Variants in TMEM184B observed in about 807,000 individuals in gnomAD.
The protein encoded by TMEM184B is transmembrane protein 184B.
Under a neutral mutation model 41.8 loss-of-function variants are expected in TMEM184B, and 17 were observed. The observed-to-expected ratio is 0.41, with a 90% CI of 0.28 to 0.61. TMEM184B has a LOEUF of 0.61. Ranked by LOEUF, TMEM184B falls within the 20% of genes least tolerant of loss-of-function variation. TMEM184B has a pLI of 0.34. For synonymous variants in TMEM184B, 240 were observed against 229.5 expected, an observed-to-expected ratio of 1.05 and a Z score of -0.41; for missense variants, 393 against 557.8, an observed-to-expected ratio of 0.70 and a Z score of 2.98.
At position 38,225,212 on chromosome 22, in the gene TMEM184B, C is replaced by A. The variant is rs892400597; in HGVS notation, c.787+212G>T. Among the ~76,000 whole-genome samples the A allele has an allele frequency of 2.6e-5, 4 of 152,142 alleles. No individual in the cohort carries two copies. The highest frequency in any genetic ancestry group is 5.9e-5 in the Non-Finnish European group (4 of 68,024). ...AGCAATTACGCAGGGTCTCCTGGGCCCTCTCATCCATGTAGCGGCCCCACC... is the reference window on the plus strand; with the variant it reads ...AGCAATTACGCAGGGTCTCCTGGGCACTCTCATCCATGTAGCGGCCCCACC... On this transcript the variant is annotated intron_variant, in intron 7 of 8. Transcript: ENST00000361906. The surrounding 1 kb of genome is among the most constrained non-coding windows in gnomAD (Gnocchi z 4.4).
intron 3 of TMEM184B, among the ~76,000 whole-genome samples, chr22:38,240,499 G>A (rs944011029): frequency 8.6e-5 from 13 of 152,014 alleles, no homozygotes; most frequent in African/African-American, 2.9e-4. Flanking sequence ...CCAGAAGCGC[G>A]AGGTCCTACT....
At chr22:38,224,358 C>T (rs1248701396) in intron 8 of TMEM184B, among the ~76,000 whole-genome samples, 1 of 152,238 alleles carries the variant, frequency 6.6e-6, no homozygotes, top group Non-Finnish European at 1.5e-5. Context: ...TTGTGATCCA[C>T]CCGCCTCGGC....
chr22:38,220,578 A>G lies in TMEM184B; in HGVS notation c.*891T>C, dbSNP rs2091230718. 27 of 985,852 alleles carry G rather than the reference A, an allele frequency of 2.7e-5. No homozygotes were observed. Among genetic ancestry groups the G allele is most frequent in the Non-Finnish European group, 3.1e-5 (26 of 830,010 alleles). The allele number at this position is 985,852 out of a possible 1,614,324, so 61.1% of individuals were successfully genotyped here. A position where few individuals can be genotyped will look rare whatever the true frequency, so the allele number is the denominator to read the frequency against. On this transcript the variant is annotated 3_prime_UTR_variant, in exon 9 of 9. Coordinates refer to ENST00000361906, the MANE Select transcript of TMEM184B (RefSeq NM_012264.5). ...CGTGGAGACTCAGACCTTTCCCCTG[A>G]AACGGGAGGGAGAAGCCCCAAAGAG...
chr22:38,226,857 A>T lies in TMEM184B; in HGVS notation c.539T>A (p.Phe180Tyr). Reference protein sequence around the residue: ...LRFCKQATLQFCVVKPLMAVS... With the variant: ...LRFCKQATLQYCVVKPLMAVS... ...CGCCATGAGTGGCTTCACCACACAG[A>T]ACTGCAGGGTGGCCTGTTGGGGGGA... is the stretch of plus-strand genomic sequence containing the variant. Residue 180 changes from phenylalanine (F) to tyrosine (Y), a missense_variant, in exon 6 of 9, where the codon TTC (phenylalanine) becomes TAC (tyrosine). Transcript: ENST00000361906. This position sits in a 1 kb window ranked among gnomAD's most constrained non-coding sequence, Gnocchi z 4.6. 2 of 1,596,170 alleles carry T rather than the reference A, an allele frequency of 1.3e-6. No individual in the cohort carries two copies. The highest frequency in any genetic ancestry group is 2.7e-5 in the African/African-American group (2 of 74,804).
rs1307409103 is a variant in TMEM184B at position 38,219,519 on chromosome 22, A to G, written c.*1950T>C. On this transcript the variant is annotated 3_prime_UTR_variant, in exon 9 of 9. Coordinates refer to ENST00000361906, the MANE Select transcript of TMEM184B (RefSeq NM_012264.5). The stretch of plus-strand genomic sequence containing the variant: ...ATGTACAAAGAGCTACTCTACCTGG[A>G]AAGAAAATTAAAAAAAAAAAAGACA... 2.6e-5 allele frequency: 26 copies of G among 985,344 alleles called. No individual in the cohort carries two copies. Among genetic ancestry groups the G allele is most frequent in the Non-Finnish European group, 3.0e-5 (25 of 829,854 alleles). 61.0% of individuals were successfully genotyped at this position (985,344 alleles called of 1,614,324 possible).
intron 1 of TMEM184B, among the ~76,000 whole-genome samples, chr22:38,253,369 A>G (rs772851508): frequency 6.6e-6 from 1 of 152,176 alleles, no homozygotes; most frequent in Non-Finnish European, 1.5e-5. Flanking sequence ...TAGGAGTTCG[A>G]GACCAGCCAG....
downstream of TMEM184B, among the ~76,000 whole-genome samples, chr22:38,219,047 G>A (rs967764948): frequency 6.6e-6 from 1 of 152,248 alleles, no homozygotes; most frequent in Non-Finnish European, 1.5e-5. Context: ...AACAGGGAAG[G>A]AGCATCGACC....
intron 1 of TMEM184B, 114 bp from the exon 2 acceptor site, chr22:38,248,133 A>G: frequency 7.4e-7 from 1 of 1,351,844 alleles, no homozygotes; most frequent in South Asian, 1.6e-5. Context: ...GACCCCAACC[A>G]TCACCCTGTC....
chr22:38,252,907 C>A (rs1484050818), intron 1 of TMEM184B, among the ~76,000 whole-genome samples: 1 of 152,220 alleles, frequency 6.6e-6, no homozygotes, highest in Non-Finnish European at 1.5e-5. Flanking sequence ...CTTTGGGAGG[C>A]CGAGCTGGGT....
At chr22:38,267,829 A>G (rs1249564931) in intron 1 of TMEM184B, among the ~76,000 whole-genome samples, 1 of 152,142 alleles carries the variant, frequency 6.6e-6, no homozygotes, top group East Asian at 1.9e-4. Context: ...AAACCACTTC[A>G]CTACCTACTG....
intron 1 of TMEM184B, among the ~76,000 whole-genome samples, chr22:38,261,917 G>A (rs2092373894): frequency 6.6e-6 from 1 of 152,264 alleles, no homozygotes; most frequent in South Asian, 2.1e-4. Flanking sequence ...CACATTCTGA[G>A]TCAGGTAAGC....
intron 8 of TMEM184B, 38 bp downstream of exon 8, chr22:38,224,747 T>TTC: frequency 6.5e-7 from 1 of 1,531,926 alleles, no homozygotes; most frequent in Non-Finnish European, 8.8e-7. Context: ...GGCTCCCTGC[T>TTC]TCTCCCAGCG....
chr22:38,231,396 G>T, intron 3 of TMEM184B, 62 bp from the exon 4 acceptor site: 1 of 1,315,710 alleles, frequency 7.6e-7, no homozygotes, highest in Non-Finnish European at 1.1e-6. Flanking sequence ...CAGATGCTGG[G>T]ATTCTAAACA....
chr22:38,242,334 C>T (rs1300231756), intron 3 of TMEM184B, among the ~76,000 whole-genome samples: 4 of 151,796 alleles, frequency 2.6e-5, no homozygotes, highest in Admixed American at 1.3e-4. Context: ...AAAAATTAGC[C>T]GGGCGTGAAG....
chr22:38,237,292 C>G (rs2091798438), intron 3 of TMEM184B, among the ~76,000 whole-genome samples: 1 of 152,228 alleles, frequency 6.6e-6, no homozygotes, highest in Non-Finnish European at 1.5e-5. Context: ...TGAGAAAAGA[C>G]TCAGTACTTG....
chr22:38,219,707 G>C lies in TMEM184B; in HGVS notation c.*1762C>G. 1 of 985,638 alleles carries C rather than the reference G, an allele frequency of 1.0e-6. No homozygotes were observed. The highest frequency in any genetic ancestry group is 5.2e-4 in the Middle Eastern group (1 of 1,920). 61.1% of individuals were successfully genotyped at this position (985,638 alleles called of 1,614,324 possible). A position where few individuals can be genotyped will look rare whatever the true frequency, so the allele number is the denominator to read the frequency against. Reference sequence around the variant, plus strand: ...GCGAAAACCAAGGGAGTGGGAATCAGCAGCACTTTGGCCTGGAGGGAGAAG... The same window carrying C: ...GCGAAAACCAAGGGAGTGGGAATCACCAGCACTTTGGCCTGGAGGGAGAAG... On this transcript the variant is annotated 3_prime_UTR_variant, in exon 9 of 9. Coordinates refer to ENST00000361906, the MANE Select transcript of TMEM184B (RefSeq NM_012264.5).
At chr22:38,257,696 G>A (rs1356463064) in intron 1 of TMEM184B, among the ~76,000 whole-genome samples, 4 of 152,082 alleles carry the variant, frequency 2.6e-5, no homozygotes, top group African/African-American at 7.2e-5. Flanking sequence ...GTTTTATTAC[G>A]TACACACTGA....
chr22:38,232,721 C>T lies in TMEM184B; in HGVS notation c.359-1387G>A, dbSNP rs1048393853. Among the ~76,000 whole-genome samples the T allele has an allele frequency of 1.4e-4, 22 of 152,282 alleles. 1 individual carries two copies. Among genetic ancestry groups the T allele is most frequent in the African/African-American group, 5.3e-4 (22 of 41,568 alleles). On this transcript the variant is annotated intron_variant, in intron 3 of 8. Transcript: ENST00000361906. ...CTCCCTGGTGCCGCCCAGCTTGGCA[C>T]TTGATCTTTCAATGGGTGACCTGGT...
Position 38,221,569 on chromosome 22 carries a change from G to A in TMEM184B, c.1124C>T (p.Thr375Ile). 1 of 1,614,030 alleles carries A rather than the reference G, an allele frequency of 6.2e-7. No homozygotes were observed. The highest frequency in any genetic ancestry group is 8.5e-7 in the Non-Finnish European group (1 of 1,179,964). ...GAGGCCGTGGGCGCCACCACGCCAG[G>A]TGGGCCCAGGCTCCAGGGTGGACTG... is the stretch of plus-strand genomic sequence containing the variant. Reference protein sequence around the residue: ...TQQSTLEPGPTWRGGAHGLSR... With the variant: ...TQQSTLEPGPIWRGGAHGLSR... Residue 375 changes from threonine to isoleucine, a missense_variant, in exon 9 of 9, where the codon ACC becomes ATC. By Grantham distance (89) the Thr-to-Ile change is moderately conservative. This residue lies in a region of TMEM184B where 271 missense variants were observed against 434.1 expected (regional missense o/e 0.62). Transcript: ENST00000361906.
Sources: allele counts gnomAD v4.1 joint callset (sites outside exome capture counted in the v4.1 genomes callset), GRCh38; gene constraint gnomAD v4.1.1; regional missense constraint gnomAD v4.1.1; non-coding constraint Gnocchi (gnomAD v3.1); transcripts MANE v1.5; gene names NCBI Gene and HGNC (gene_info 2026-07-23, HGNC 2026-07-21).